ALK: variants seen among roughly 807,000 people sequenced by gnomAD.
ALK encodes ALK tyrosine kinase receptor.
Under a neutral mutation model 163.1 loss-of-function variants are expected in ALK, and 74 were observed. The observed-to-expected ratio is 0.45, with a 90% CI of 0.38 to 0.55. The LOEUF (loss-of-function observed/expected upper bound fraction) is 0.55, where lower values mean the gene tolerates loss of function less well. Ranked by LOEUF, ALK falls within the 20% of genes least tolerant of loss-of-function variation. The pLI, the probability that ALK is intolerant of heterozygous loss-of-function variation, is 0.00. For missense variants in ALK, 2,063 were observed against 2,105.3 expected, an observed-to-expected ratio of 0.98 and a Z score of 0.39; for synonymous variants, 960 against 843.2, an observed-to-expected ratio of 1.14 and a Z score of -2.40.
intron 1 of ALK, among the ~76,000 whole-genome samples, chr2:29,910,119 G>A (rs986055852): frequency 1.3e-5 from 2 of 151,992 alleles, no homozygotes; most frequent in African/African-American, 4.8e-5. Context: ...CTTTAAAATA[G>A]CTGTTATACG....
intron 15 of ALK, among the ~76,000 whole-genome samples, chr2:29,230,137 C>T (rs1451766724): frequency 6.6e-6 from 1 of 152,088 alleles, no homozygotes; most frequent in Non-Finnish European, 1.5e-5. Context: ...ATAAATGTCC[C>T]TTTATATAAA....
intron 5 of ALK, among the ~76,000 whole-genome samples, chr2:29,376,419 C>T (rs1343410336): frequency 2.0e-5 from 3 of 152,184 alleles, no homozygotes; most frequent in Non-Finnish European, 4.4e-5. Context: ...CAAAGATGCC[C>T]TTTAAGAAAG....
intron 3 of ALK, among the ~76,000 whole-genome samples, chr2:29,596,043 C>G (rs934429675): frequency 1.3e-5 from 2 of 152,202 alleles, no homozygotes; most frequent in African/African-American, 4.8e-5. Flanking sequence ...GGAGCCCAGA[C>G]CACATGTACA....
intron 3 of ALK, among the ~76,000 whole-genome samples, chr2:29,543,758 T>A (rs995782134): frequency 6.6e-6 from 1 of 152,224 alleles, no homozygotes; most frequent in Non-Finnish European, 1.5e-5. Flanking sequence ...CACTTTGTTT[T>A]TCCATGGACA....
At chr2:29,642,988 C>G (rs1311558357) in intron 3 of ALK, among the ~76,000 whole-genome samples, 1 of 152,026 alleles carries the variant, frequency 6.6e-6, no homozygotes, top group African/African-American at 2.4e-5. Flanking sequence ...TCTGGGAGCT[C>G]AGAGTTTATT....
intron 3 of ALK, among the ~76,000 whole-genome samples, chr2:29,590,538 AC>A (rs1191931555): frequency 6.6e-6 from 1 of 152,004 alleles, no homozygotes; most frequent in Admixed American, 6.5e-5. Context: ...AAAACCCTCC[AC>A]CCTAGATATC....
chr2:29,396,219 A>G (rs952644441), intron 4 of ALK, among the ~76,000 whole-genome samples: 2 of 152,164 alleles, frequency 1.3e-5, no homozygotes, highest in Non-Finnish European at 2.9e-5. Flanking sequence ...CCTGGATAAT[A>G]ACGCTGTTGC....
intron 1 of ALK, among the ~76,000 whole-genome samples, chr2:29,795,163 C>T (rs749384826): frequency 6.6e-6 from 1 of 151,668 alleles, no homozygotes; most frequent in East Asian, 1.9e-4. Flanking sequence ...CTATGAACAT[C>T]AACAGAAAAT....
chr2:29,874,135 C>A (rs576378836), intron 1 of ALK, among the ~76,000 whole-genome samples: 143 of 152,278 alleles, frequency 9.4e-4, no homozygotes, highest in African/African-American at 3.4e-3. Context: ...TGTACCATTG[C>A]TCAAGGATTT....
rs144544957 is a variant in ALK, at chr2:29,721,036, G to T, written c.668-3339C>A. On this transcript the variant is annotated intron_variant, in intron 1 of 28. Coordinates refer to ENST00000389048, the MANE Select transcript of ALK (RefSeq NM_004304.5). ...CAGGAGCTTCTAGGTGCCCAAGTGA[G>T]GCAGACAAGTGAAGGCCTGAAGAGA... 7.7e-3 allele frequency among the ~76,000 whole-genome samples: 1,179 copies of T among 152,302 alleles called. 11 individuals are homozygous for T. Among genetic ancestry groups the T allele is most frequent in the African/African-American group, 0.027 (1,103 of 41,564 alleles).
rs60601742 is a variant in ALK, at chr2:29,568,381, A to T, written c.953-36265T>A. On this transcript the variant is annotated intron_variant, in intron 3 of 28. Coordinates refer to ENST00000389048, the MANE Select transcript of ALK (RefSeq NM_004304.5). ...TGACATTTTTTCTTTCCATTGCCACATTCTGTAGTGGCTACAACAAGTGTC... is the reference window on the plus strand; with the variant it reads ...TGACATTTTTTCTTTCCATTGCCACTTTCTGTAGTGGCTACAACAAGTGTC... Among the ~76,000 whole-genome samples, 214 of 152,312 alleles carry T rather than the reference A, an allele frequency of 1.4e-3. 1 individual carries two copies. The highest frequency in any genetic ancestry group is 4.7e-3 in the African/African-American group (195 of 41,572).
intron 4 of ALK, among the ~76,000 whole-genome samples, chr2:29,504,181 GA>G (rs1672256120): frequency 6.6e-6 from 1 of 152,198 alleles, no homozygotes; most frequent in African/African-American, 2.4e-5. Flanking sequence ...AGAGCCAAGG[GA>G]AGGTGTTGCA....
At chr2:29,888,265 A>ATTTTTTTTTTTT (rs1343022563) in intron 1 of ALK, among the ~76,000 whole-genome samples, 1 of 49,880 alleles carries the variant, frequency 2.0e-5, no homozygotes, top group African/African-American at 7.6e-5. Context: ...TTTTTTTAAA[A>ATTTTTTTTTTTT]AAAGGGAAAC....
chr2:29,465,894 T>G (rs911679038), intron 4 of ALK, among the ~76,000 whole-genome samples: 3 of 152,158 alleles, frequency 2.0e-5, no homozygotes, highest in African/African-American at 7.2e-5. Flanking sequence ...GGCAATATAT[T>G]ATGAGTTTAT....
chr2:29,207,314 G>A (rs746426723), intron 25 of ALK, 42 bp from the exon 26 acceptor site: 3 of 1,480,050 alleles, frequency 2.0e-6, no homozygotes, highest in Admixed American at 3.3e-5. Flanking sequence ...ATCTGGAGAT[G>A]GCATTAAGCA....
At chr2:29,586,604 T>G (rs1674895345) in intron 3 of ALK, among the ~76,000 whole-genome samples, 1 of 152,212 alleles carries the variant, frequency 6.6e-6, no homozygotes, top group Non-Finnish European at 1.5e-5. Flanking sequence ...TCCTCTGGGA[T>G]AGTGGTCCTG....
At position 29,920,142 on chromosome 2, in the gene ALK, A is replaced by T. The variant is rs2148443074; in HGVS notation, c.518T>A (p.Leu173Gln). ...VGLLQFNLSE[L>Q]FSWWIRQGEG... The stretch of plus-strand genomic sequence containing the variant: ...GCCTTGGCGAATCCACCAACTGAAC[A>T]GCTCGCTGAGATTGAACTGGAGCAG... The change falls in exon 1 of 29, where the codon CTG (leucine) becomes CAG (glutamine). Residue 173 changes from leucine (L) to glutamine (Q), a missense_variant. Leu to Gln is a moderately radical substitution (Grantham distance 113). Transcript: ENST00000389048. 1 of 1,613,882 alleles carries T rather than the reference A, an allele frequency of 6.2e-7. No individual in the cohort carries two copies. The highest frequency in any genetic ancestry group is 8.5e-7 in the Non-Finnish European group (1 of 1,180,038).
intron 3 of ALK, among the ~76,000 whole-genome samples, chr2:29,679,031 T>G (rs1356353622): frequency 6.6e-6 from 1 of 151,936 alleles, no homozygotes; most frequent in East Asian, 1.9e-4. Context: ...CAGTTTTGCT[T>G]CATGTGTTTT....
chr2:29,506,767 A>T (rs983465930), intron 4 of ALK, among the ~76,000 whole-genome samples: 3 of 149,364 alleles, frequency 2.0e-5, no homozygotes, highest in African/African-American at 7.3e-5. Context: ...AAAAAAAAAA[A>T]GTTAAGCAGG....
Sources: gnomAD v4.1 joint callset for allele counts (sites outside exome capture counted in the v4.1 genomes callset) on GRCh38, gnomAD v4.1.1 for gene constraint, MANE v1.5 for transcripts, NCBI Gene and HGNC (gene_info 2026-07-23, HGNC 2026-07-21) for gene names.